IGBP1C: variants seen among roughly 807,000 people sequenced by gnomAD.
IGBP1C encodes immunoglobulin-binding protein 1 family member C.
At chr17:58,690,661 G>A in the IGBP1C span, among the ~76,000 whole-genome samples, 1 of 152,116 alleles carries the variant, frequency 6.6e-6, no homozygotes, top group Non-Finnish European at 1.5e-5. Flanking sequence ...TCCACTGAGC[G>A]CTCAAATATA....
At chr17:58,663,760 G>A in the IGBP1C span, among the ~76,000 whole-genome samples, 9 of 152,274 alleles carry the variant, frequency 5.9e-5, no homozygotes, top group South Asian at 4.1e-4. Context: ...GAGCCAATGT[G>A]CCAGGCCACT....
chr17:58,665,655 A>C, the IGBP1C span, among the ~76,000 whole-genome samples: 99 of 152,216 alleles, frequency 6.5e-4, no homozygotes, highest in African/African-American at 2.4e-3. Flanking sequence ...TAAAGTTCCT[A>C]AGCATTAAAT....
At chr17:58,671,627 A>G in the IGBP1C span, among the ~76,000 whole-genome samples, 1 of 152,080 alleles carries the variant, frequency 6.6e-6, no homozygotes, top group African/African-American at 2.4e-5. Context: ...AGGATGGCCA[A>G]TGTCCTTAGG....
At chr17:58,688,937 A>C in the IGBP1C span, among the ~76,000 whole-genome samples, 1 of 151,874 alleles carries the variant, frequency 6.6e-6, no homozygotes, top group Non-Finnish European at 1.5e-5. Context: ...TTCTATACAT[A>C]TATTTTTTTT....
At chr17:58,677,346 A>G in the IGBP1C span, among the ~76,000 whole-genome samples, 1 of 152,204 alleles carries the variant, frequency 6.6e-6, no homozygotes, top group Non-Finnish European at 1.5e-5. Flanking sequence ...CATTTGACTC[A>G]GCCAACATAT....
chr17:58,665,487 C>T, the IGBP1C span, among the ~76,000 whole-genome samples: 1 of 151,920 alleles, frequency 6.6e-6, no homozygotes. Flanking sequence ...AGTCCAGCTA[C>T]TCTGAGGCTG....
At chr17:58,666,458 C>CAAACAAAAAAAA in the IGBP1C span, 18 of 36,816 alleles carry the variant, frequency 4.9e-4, no homozygotes, top group Non-Finnish European at 7.9e-4. Context: ...CCTTCCACGG[C>CAAACAAAAAAAA]AAAAAAAAAA....
chr17:58,679,246 G>A, the IGBP1C span, among the ~76,000 whole-genome samples: 12 of 152,152 alleles, frequency 7.9e-5, no homozygotes, highest in Admixed American at 6.6e-4. Flanking sequence ...TGTTAGCTTT[G>A]AAAAGGAAAG....
At chr17:58,675,246 T>C in the IGBP1C span, 1 of 152,134 alleles carries the variant, frequency 6.6e-6, no homozygotes, top group South Asian at 2.1e-4. Flanking sequence ...GAAATACCAC[T>C]TCACCCTCAC....
the IGBP1C span, chr17:58,661,798 T>C: frequency 2.0e-6 from 1 of 495,578 alleles, no homozygotes; most frequent in Non-Finnish European, 3.5e-6. Flanking sequence ...ACTCCGGGTC[T>C]TCGTCAAACT....
the IGBP1C span, chr17:58,660,475 T>G: frequency 1.6e-6 from 1 of 606,292 alleles, no homozygotes; most frequent in Non-Finnish European, 3.0e-6. Flanking sequence ...ATCTTTGCCT[T>G]CGTTTTACAC....
the IGBP1C span, chr17:58,679,679 C>T: frequency 3.9e-5 from 6 of 152,268 alleles, no homozygotes; most frequent in African/African-American, 7.2e-5. Flanking sequence ...ATTTCCCTTG[C>T]CAGTTAAGTA....
At chr17:58,683,937 T>C in the IGBP1C span, among the ~76,000 whole-genome samples, 5 of 136,700 alleles carry the variant, frequency 3.7e-5, no homozygotes, top group East Asian at 4.5e-4. Flanking sequence ...TGGTGGTGCA[T>C]CCCTGTCATC....
At chr17:58,662,413 TCTCA>T in the IGBP1C span, among the ~76,000 whole-genome samples, 316 of 127,736 alleles carry the variant, frequency 2.5e-3, 2 homozygotes, top group African/African-American at 7.7e-3. Context: ...AGCACACATA[TCTCA>T]CACACACACA....
chr17:58,678,688 C>T, the IGBP1C span, among the ~76,000 whole-genome samples: 1 of 151,802 alleles, frequency 6.6e-6, no homozygotes, highest in Non-Finnish European at 1.5e-5. Context: ...ATGGGGGAAA[C>T]GGGGAGGGAT....
At chr17:58,666,508 A>G in the IGBP1C span, 1 of 151,288 alleles carries the variant, frequency 6.6e-6, no homozygotes, top group African/African-American at 2.4e-5. Flanking sequence ...ATACACAACT[A>G]ACAAAACTTG....
At chr17:58,679,542 C>T in the IGBP1C span, 1 of 152,230 alleles carries the variant, frequency 6.6e-6, no homozygotes, top group African/African-American at 2.4e-5. Flanking sequence ...AGAGAACCAA[C>T]ATAGTCCCCA....
At chr17:58,684,463 A>C in the IGBP1C span, among the ~76,000 whole-genome samples, 25,458 of 142,832 alleles carry the variant, frequency 0.18, 2,227 homozygotes, top group Non-Finnish European at 0.2. Context: ...ACTCCGTCCC[A>C]AAAAAAAAAA....
At chr17:58,685,241 C>T in the IGBP1C span, among the ~76,000 whole-genome samples, 1 of 151,900 alleles carries the variant, frequency 6.6e-6, no homozygotes, top group Non-Finnish European at 1.5e-5. Context: ...CAAGATCAGC[C>T]TGGCCAACAT....
Sources: gnomAD v4.1 joint callset for allele counts (sites outside exome capture counted in the v4.1 genomes callset) on GRCh38, gnomAD v4.1.1 for gene constraint, MANE v1.5 for transcripts, NCBI Gene and HGNC (gene_info 2026-07-23, HGNC 2026-07-21) for gene names.